Variants in PCDHA8 observed in about 807,000 individuals in gnomAD.
PCDHA8 encodes the protein protocadherin alpha 8, also known as protocadherin alpha-8.
A neutral mutation model predicts 61.8 loss-of-function variants in PCDHA8; 53 were observed. That is an observed-to-expected ratio of 0.86 (90% CI 0.69 to 1.08). The LOEUF (loss-of-function observed/expected upper bound fraction) is 1.08. Among genes scored for constraint, PCDHA8 ranks in the 50% least tolerant of loss-of-function variants. The probability of loss-of-function intolerance (pLI) is 0.00; values close to 1 mark genes in which losing one functional copy is unlikely to be tolerated. For missense variants in PCDHA8, 1,293 were observed against 1,245.0 expected (o/e 1.04, Z -0.58); for synonymous variants, 618 against 556.6 (o/e 1.11, Z -1.55).
chr5:140,862,794 G>A (rs1554156969), intron 1 of PCDHA8: 1 of 575,742 alleles, frequency 1.7e-6, no homozygotes, highest in Non-Finnish European at 3.3e-6. Flanking sequence ...ACTACGAGGA[G>A]CTGGAGCTGC....
chr5:140,863,348 C>T, intron 1 of PCDHA8: 2 of 1,313,382 alleles, frequency 1.5e-6, no homozygotes, highest in Non-Finnish European at 2.1e-6. Flanking sequence ...CTGCTGTACA[C>T]GACGCTGCGG....
At chr5:140,991,629 T>C (rs1466263798) in intron 3 of PCDHA8, among the ~76,000 whole-genome samples, 5 of 152,208 alleles carry the variant, frequency 3.3e-5, no homozygotes, top group African/African-American at 1.2e-4. Context: ...ATATTTGTAA[T>C]AACAATCTGT....
chr5:140,871,570 T>A, intron 1 of PCDHA8: 1 of 1,480,760 alleles, frequency 6.8e-7, no homozygotes, highest in Non-Finnish European at 9.0e-7. Context: ...TTCACGGATT[T>A]TTTAAGGGAA....
At chr5:140,858,403 A>T (rs1554151554) in intron 1 of PCDHA8, 1 of 1,569,204 alleles carries the variant, frequency 6.4e-7, no homozygotes. Context: ...TGGACGGGGA[A>T]GATCAGTCTA....
chr5:140,876,370 G>A, intron 1 of PCDHA8: 1 of 1,613,946 alleles, frequency 6.2e-7, no homozygotes, highest in Non-Finnish European at 8.5e-7. Flanking sequence ...TCCAGACACA[G>A]GTGAAATTAG....
At chr5:140,858,419 G>C (rs2045401110) in intron 1 of PCDHA8, 1 of 1,559,254 alleles carries the variant, frequency 6.4e-7, no homozygotes. Flanking sequence ...GTCTATTGGA[G>C]GGGACCACTC....
At chr5:140,870,069 A>G (rs376226695) in intron 1 of PCDHA8, 43 of 1,613,780 alleles carry the variant, frequency 2.7e-5, no homozygotes, top group Non-Finnish European at 3.4e-5. Flanking sequence ...TACAGGCTAC[A>G]GATAAGGGGA....
At chr5:140,927,556 A>G (rs1428283255) in intron 1 of PCDHA8, 15 of 1,614,022 alleles carry the variant, frequency 9.3e-6, no homozygotes, top group African/African-American at 1.3e-5. Flanking sequence ...AGTCACCATC[A>G]TTGTGGTGGA....
At chr5:140,858,424 C>A in intron 1 of PCDHA8, 1 of 1,553,410 alleles carries the variant, frequency 6.4e-7, no homozygotes, top group Non-Finnish European at 8.8e-7. Flanking sequence ...TTGGAGGGGA[C>A]CACTCTAGGA....
At chr5:140,867,175 C>T (rs782419499) in intron 1 of PCDHA8, 5 of 152,056 alleles carry the variant, frequency 3.3e-5, no homozygotes, top group Admixed American at 1.3e-4. Context: ...GGTTCATTTC[C>T]CTACCTCGCA....
chr5:140,870,864 C>T lies in PCDHA8; in HGVS notation c.2394+27149C>T, dbSNP rs782241816. The T allele has an allele frequency of 3.7e-6, 6 of 1,613,816 alleles. No homozygotes were observed. The African/African-American group carries it at 8.0e-5, about 22-fold the overall frequency. ...TAGTACCGCGGTCGGTGGGTGCGGG[C>T]CACGTGGTGGCGAAGGTGCGCGCAG... On this transcript the variant is annotated intron_variant, in intron 1 of 3. Coordinates refer to ENST00000531613, the MANE Select transcript of PCDHA8 (RefSeq NM_018911.3).
At chr5:140,857,799 T>A (rs1554150681) in intron 1 of PCDHA8, 1 of 1,597,340 alleles carries the variant, frequency 6.3e-7, no homozygotes, top group Non-Finnish European at 8.6e-7. Flanking sequence ...CTGCGGTCGG[T>A]GGTTGCGGGT....
At chr5:140,855,462 A>C (rs2043478847) in intron 1 of PCDHA8, among the ~76,000 whole-genome samples, 1 of 149,974 alleles carries the variant, frequency 6.7e-6, no homozygotes, top group Admixed American at 6.7e-5. Context: ...AACACCTCAC[A>C]GATAGTTGAT....
At chr5:140,856,335 G>A in intron 1 of PCDHA8, 1 of 1,598,610 alleles carries the variant, frequency 6.3e-7, no homozygotes, top group Non-Finnish European at 8.6e-7. Context: ...GAGCTGTGCG[G>A]GCGGAGCGTG....
intron 1 of PCDHA8, among the ~76,000 whole-genome samples, chr5:140,959,240 G>A (rs1554223957): frequency 1.3e-5 from 2 of 152,074 alleles, no homozygotes; most frequent in African/African-American, 4.8e-5. Flanking sequence ...ATCTGGGCAT[G>A]ATAGTGCATG....
chr5:141,000,375 C>G (rs1253953172), intron 3 of PCDHA8, among the ~76,000 whole-genome samples: 8 of 57,690 alleles, frequency 1.4e-4, no homozygotes, highest in Non-Finnish European at 1.9e-4. Context: ...CTCTCTCTCT[C>G]TCTCTCTCTC....
chr5:141,009,833 G>A lies in PCDHA8; in HGVS notation c.2749G>A (p.Gly917Ser), dbSNP rs782642898. The A allele has an allele frequency of 8.7e-6, 14 of 1,613,366 alleles. No homozygotes were observed. The highest frequency in any genetic ancestry group is 2.7e-5 in the African/African-American group (2 of 74,746). ...TGACAAAAGTGACTTCATAACCTTC[G>A]GCAAAAAGGAGGAGACCAAGAAAAA... ...QIDKSDFITF[G>S]KKEETKKKKK... Residue 917 changes from glycine (G) to serine (S), a missense_variant, in exon 4 of 4, where the codon GGC (glycine) becomes AGC (serine). Physicochemically the swap from Gly to Ser is moderately conservative, Grantham distance 56 (BLOSUM62 0). Coordinates refer to ENST00000531613, the MANE Select transcript of PCDHA8 (RefSeq NM_018911.3).
intron 3 of PCDHA8, among the ~76,000 whole-genome samples, chr5:140,994,564 G>A (rs1554254259): frequency 6.6e-6 from 1 of 152,070 alleles, no homozygotes; most frequent in Non-Finnish European, 1.5e-5. Flanking sequence ...AATTAGCCGG[G>A]TGTGGTGGCA....
chr5:140,897,104 C>A (rs1474457154), intron 1 of PCDHA8, among the ~76,000 whole-genome samples: 1 of 152,116 alleles, frequency 6.6e-6, no homozygotes, highest in Non-Finnish European at 1.5e-5. Flanking sequence ...TTAAAAATCT[C>A]CACTTTCTGT....
Sources: gnomAD v4.1 joint callset for allele counts (sites outside exome capture counted in the v4.1 genomes callset) on GRCh38, gnomAD v4.1.1 for gene constraint, MANE v1.5 for transcripts, NCBI Gene and HGNC (gene_info 2026-07-23, HGNC 2026-07-21) for gene names.